TGFB2: variants seen among roughly 807,000 people sequenced by gnomAD.
TGFB2 encodes the protein transforming growth factor beta-2 proprotein.
Under a neutral mutation model 42.7 loss-of-function variants are expected in TGFB2, and 13 were observed. That is an observed-to-expected ratio of 0.30 (90% CI 0.20 to 0.48). The LOEUF is 0.48. Ranked by LOEUF, TGFB2 falls within the 20% of genes least tolerant of loss-of-function variation. The probability of loss-of-function intolerance (pLI) is 0.99; values close to 1 mark genes in which losing one functional copy is unlikely to be tolerated. For synonymous variants in TGFB2, 193 were observed against 193.6 expected, an observed-to-expected ratio of 1.00 and a Z score of 0.03; for missense variants, 390 against 517.5, an observed-to-expected ratio of 0.75 and a Z score of 2.39.
At chr1:218,400,516 T>G (rs1263079056) in intron 1 of TGFB2, among the ~76,000 whole-genome samples, 1 of 152,042 alleles carries the variant, frequency 6.6e-6, no homozygotes, top group Non-Finnish European at 1.5e-5. Flanking sequence ...TCCCTTCCCA[T>G]GGGACTGCCA....
chr1:218,435,868 C>T lies in TGFB2; in HGVS notation c.755-102C>T, dbSNP rs1558263106. 4 of 1,177,928 alleles carry T rather than the reference C, an allele frequency of 3.4e-6. No homozygotes were observed. In the East Asian group the frequency reaches 9.5e-5, roughly 28 times the overall value. The allele number at this position is 1,177,928 out of a possible 1,614,324, so 73.0% of individuals were successfully genotyped here. Reference sequence around the variant, plus strand: ...TGCCAGCTGATGCTGCTTTGGTGGTCATCACTGCTATTTGTGACAATATAC... The same window carrying T: ...TGCCAGCTGATGCTGCTTTGGTGGTTATCACTGCTATTTGTGACAATATAC... On this transcript the variant is annotated intron_variant, in intron 4 of 6. Transcript: ENST00000366930.
intron 1 of TGFB2, among the ~76,000 whole-genome samples, chr1:218,372,548 A>G (rs1657606135): frequency 6.6e-6 from 1 of 152,004 alleles, no homozygotes; most frequent in South Asian, 2.1e-4. Context: ...AGGATCGTTA[A>G]CTCTAGTGTT....
At chr1:218,373,736 G>T (rs1657649134) in intron 1 of TGFB2, among the ~76,000 whole-genome samples, 1 of 152,246 alleles carries the variant, frequency 6.6e-6, no homozygotes, top group Admixed American at 6.5e-5. Flanking sequence ...GTGGATTAAA[G>T]AATGAGAAGT....
chr1:218,425,124 A>C (rs1329490742), intron 2 of TGFB2, among the ~76,000 whole-genome samples: 2 of 152,236 alleles, frequency 1.3e-5, no homozygotes, highest in Non-Finnish European at 2.9e-5. Flanking sequence ...TTAAGAGGGA[A>C]AGACATTAGT....
chr1:218,404,911 T>C (rs1211629382), intron 1 of TGFB2, among the ~76,000 whole-genome samples: 1 of 152,218 alleles, frequency 6.6e-6, no homozygotes, highest in African/African-American at 2.4e-5. Flanking sequence ...CTTCAAAGGA[T>C]GGGGTTAACT....
intron 1 of TGFB2, among the ~76,000 whole-genome samples, chr1:218,374,281 T>G (rs1030309639): frequency 1.3e-5 from 2 of 152,200 alleles, no homozygotes; most frequent in Non-Finnish European, 2.9e-5. Flanking sequence ...TCCTGGAAAT[T>G]CCATAGCCAG....
chr1:218,423,325 A>G (rs1355608599), intron 2 of TGFB2, among the ~76,000 whole-genome samples: 1 of 152,116 alleles, frequency 6.6e-6, no homozygotes, highest in Non-Finnish European at 1.5e-5. Context: ...CTATTGGAGG[A>G]AATGGACATT....
rs1656664967 is a variant in TGFB2 at position 218,346,107 on chromosome 1, T to A, written c.-595T>A. Reference sequence around the variant, plus strand: ...GCACGCACACACGTGTGCGCTTCTCTGCTCCGGAGCTGCTGCTGCTCCTGC... The same window carrying A: ...GCACGCACACACGTGTGCGCTTCTCAGCTCCGGAGCTGCTGCTGCTCCTGC... On this transcript the variant is annotated 5_prime_UTR_variant, in exon 1 of 7. Coordinates refer to ENST00000366930, the MANE Select transcript of TGFB2 (RefSeq NM_003238.6). The surrounding 1 kb of genome is among the most constrained non-coding windows in gnomAD (Gnocchi z 4.9). 6.5e-6 allele frequency: 1 copy of A among 154,724 alleles called. No individual in the cohort carries two copies. The highest frequency in any genetic ancestry group is 2.4e-5 in the African/African-American group (1 of 41,150). The allele number at this position is 154,724 out of a possible 1,614,324, so 9.6% of individuals were successfully genotyped here. A position where few individuals can be genotyped will look rare whatever the true frequency, so the allele number is the denominator to read the frequency against.
At chr1:218,372,910 C>T (rs935255631) in intron 1 of TGFB2, among the ~76,000 whole-genome samples, 3 of 152,174 alleles carry the variant, frequency 2.0e-5, no homozygotes, top group Middle Eastern at 3.2e-3. Context: ...GGCACGGTGG[C>T]TCACGCCTGT....
intron 2 of TGFB2, among the ~76,000 whole-genome samples, chr1:218,413,671 A>G (rs924135889): frequency 2.6e-5 from 4 of 152,202 alleles, no homozygotes; most frequent in Non-Finnish European, 4.4e-5. Flanking sequence ...GTTCATACGT[A>G]TGATATCAGG....
At chr1:218,380,562 G>T (rs541609645) in intron 1 of TGFB2, among the ~76,000 whole-genome samples, 172 of 152,248 alleles carry the variant, frequency 1.1e-3, no homozygotes, top group African/African-American at 3.9e-3. Flanking sequence ...GCCAAATGTA[G>T]TTTGGCCCTA....
chr1:218,401,406 C>T (rs1464749731), intron 1 of TGFB2, among the ~76,000 whole-genome samples: 5 of 152,094 alleles, frequency 3.3e-5, no homozygotes, highest in Non-Finnish European at 7.3e-5. Flanking sequence ...GGGGACACCA[C>T]TTGATGACAT....
In TGFB2 at chr1:218,382,928, G is replaced by A. The variant is rs1658011716; in HGVS notation, c.347-22241G>A. On this transcript the variant is annotated intron_variant, in intron 1 of 6. Transcript: ENST00000366930. ...CTGGTGGTCTATATGGAGGTATGAGGTGGTGTTTCTCTTTTGGCTACTCAT... is the reference window on the plus strand; with the variant it reads ...CTGGTGGTCTATATGGAGGTATGAGATGGTGTTTCTCTTTTGGCTACTCAT... 2.0e-5 allele frequency among the ~76,000 whole-genome samples: 3 copies of A among 152,216 alleles called. No homozygotes were observed. In the South Asian group the frequency reaches 6.2e-4, roughly 32 times the overall value.
intron 1 of TGFB2, among the ~76,000 whole-genome samples, chr1:218,396,138 G>A (rs1322161510): frequency 1.3e-5 from 2 of 152,162 alleles, no homozygotes; most frequent in African/African-American, 4.8e-5. Flanking sequence ...CAAGTGCATT[G>A]TGGTTAGACC....
At chr1:218,432,323 A>ATT (rs1419315206) in intron 2 of TGFB2, among the ~76,000 whole-genome samples, 1 of 152,198 alleles carries the variant, frequency 6.6e-6, no homozygotes, top group African/African-American at 2.4e-5. Flanking sequence ...CGCAAAGAAC[A>ATT]TTTCTTACCT....
At chr1:218,419,263 G>A (rs1477571451) in intron 2 of TGFB2, among the ~76,000 whole-genome samples, 1 of 151,820 alleles carries the variant, frequency 6.6e-6, no homozygotes, top group Non-Finnish European at 1.5e-5. Flanking sequence ...ACTCCTTCCT[G>A]TGGCTTGTGG....
chr1:218,374,340 A>G (rs962576104), intron 1 of TGFB2, among the ~76,000 whole-genome samples: 2 of 152,240 alleles, frequency 1.3e-5, no homozygotes, highest in Admixed American at 6.5e-5. Flanking sequence ...TGAGGCATCC[A>G]ATAAATATTT....
At chr1:218,352,684 T>C (rs191902337) in intron 1 of TGFB2, among the ~76,000 whole-genome samples, 39 of 152,322 alleles carry the variant, frequency 2.6e-4, no homozygotes, top group African/African-American at 8.9e-4. Context: ...CTCTCACCAC[T>C]ACCTTACTTC....
intron 6 of TGFB2, 69 bp downstream of exon 6, chr1:218,437,565 A>G: frequency 6.8e-7 from 1 of 1,469,786 alleles, no homozygotes; most frequent in East Asian, 2.4e-5. Flanking sequence ...AGTATTTCCA[A>G]ATGAGTTGTA....
Sources: gnomAD v4.1 joint callset for allele counts (sites outside exome capture counted in the v4.1 genomes callset) on GRCh38, gnomAD v4.1.1 for gene constraint, Gnocchi (gnomAD v3.1) non-coding constraint, MANE v1.5 for transcripts, NCBI Gene and HGNC (gene_info 2026-07-23, HGNC 2026-07-21) for gene names.